The following ATE1 variants were observed in gnomAD, a reference collection of about 807,000 sequenced individuals.
ATE1 encodes the protein arginyl-tRNA--protein transferase 1.
Under a neutral mutation model 70.5 loss-of-function variants are expected in ATE1, and 36 were observed. The ratio of observed to expected loss-of-function variants is 0.51; its 90% CI spans 0.39 to 0.67. The LOEUF (loss-of-function observed/expected upper bound fraction) is 0.67, where lower values mean the gene tolerates loss of function less well. Ranked by LOEUF, ATE1 falls within the 30% of genes least tolerant of loss-of-function variation. The pLI is 0.00. For synonymous variants in ATE1, 232 were observed against 219.3 expected (o/e 1.06, Z -0.51); for missense variants, 593 against 629.5 (o/e 0.94, Z 0.62).
intron 10 of ATE1, among the ~76,000 whole-genome samples, chr10:121,824,052 C>T (rs763700043): frequency 6.6e-6 from 1 of 152,056 alleles, no homozygotes; most frequent in Non-Finnish European, 1.5e-5. Context: ...GCAAAATTCC[C>T]CACATGTGAC....
intron 8 of ATE1, among the ~76,000 whole-genome samples, chr10:121,856,256 G>A (rs763644759): frequency 3.3e-5 from 5 of 151,996 alleles, no homozygotes; most frequent in Admixed American, 1.3e-4. Flanking sequence ...CTGGCCGGGC[G>A]CAGTGGCTTA....
chr10:121,754,931 T>C (rs1944732516), intron 11 of ATE1, among the ~76,000 whole-genome samples: 1 of 152,242 alleles, frequency 6.6e-6, no homozygotes, highest in Non-Finnish European at 1.5e-5. Flanking sequence ...CAAAGCTATG[T>C]GACCTGAATC....
intron 11 of ATE1, among the ~76,000 whole-genome samples, chr10:121,750,188 T>C (rs967242447): frequency 1.3e-5 from 2 of 152,206 alleles, no homozygotes; most frequent in Non-Finnish European, 2.9e-5. Context: ...GTCATCAGTG[T>C]AGACAAAAAT....
intron 2 of ATE1, among the ~76,000 whole-genome samples, chr10:121,923,935 GATAA>G (rs1252973710): frequency 6.6e-6 from 1 of 152,156 alleles, no homozygotes; most frequent in Non-Finnish European, 1.5e-5. Flanking sequence ...CTATTGATAG[GATAA>G]ATGTCATAAT....
intron 3 of ATE1, among the ~76,000 whole-genome samples, chr10:121,920,763 G>A (rs577511127): frequency 6.6e-6 from 1 of 152,270 alleles, no homozygotes; most frequent in East Asian, 1.9e-4. Context: ...GGGAGGCTGA[G>A]GCAGGTGGAT....
At chr10:121,818,275 A>AG (rs1947643490) in intron 10 of ATE1, among the ~76,000 whole-genome samples, 1 of 151,474 alleles carries the variant, frequency 6.6e-6, no homozygotes, top group African/African-American at 2.4e-5. Flanking sequence ...AAAAAAAAAA[A>AG]AAAAAAGATG....
At chr10:121,803,700 A>G (rs1590343515) in intron 10 of ATE1, among the ~76,000 whole-genome samples, 2 of 152,312 alleles carry the variant, frequency 1.3e-5, no homozygotes, top group African/African-American at 4.8e-5. Context: ...CTAACTAATC[A>G]TATCTCTATC....
intron 11 of ATE1, among the ~76,000 whole-genome samples, chr10:121,772,568 T>C (rs1354860008): frequency 6.6e-6 from 1 of 152,132 alleles, no homozygotes; most frequent in Non-Finnish European, 1.5e-5. Context: ...GTCTCACGCC[T>C]CACAGCCTGA....
chr10:121,791,540 C>T (rs1362148647), intron 10 of ATE1, among the ~76,000 whole-genome samples: 1 of 152,090 alleles, frequency 6.6e-6, no homozygotes, highest in African/African-American at 2.4e-5. Flanking sequence ...ATTTTCATAA[C>T]TATCAAGGTT....
At chr10:121,836,664 TGA>T in intron 10 of ATE1, 52 bp downstream of exon 10, 3 of 1,192,240 alleles carry the variant, frequency 2.5e-6, no homozygotes, top group Non-Finnish European at 2.4e-6. Context: ...AAAAATTTTA[TGA>T]GAGATTCATT....
At chr10:121,783,575 G>T (rs945773519) in intron 11 of ATE1, among the ~76,000 whole-genome samples, 5 of 151,610 alleles carry the variant, frequency 3.3e-5, no homozygotes, top group Non-Finnish European at 5.9e-5. Context: ...ACTGAAAATT[G>T]ATGATATCTT....
intron 10 of ATE1, among the ~76,000 whole-genome samples, chr10:121,828,187 C>T (rs4752605): frequency 6.6e-6 from 1 of 152,196 alleles, no homozygotes; most frequent in Non-Finnish European, 1.5e-5. Context: ...AAAACTCTTA[C>T]ATTACACCAT....
intron 3 of ATE1, among the ~76,000 whole-genome samples, chr10:121,919,911 T>A (rs1951813147): frequency 6.6e-6 from 1 of 151,834 alleles, no homozygotes; most frequent in African/African-American, 2.4e-5. Flanking sequence ...GGGGAGGATA[T>A]GCAAAATGTT....
chr10:121,790,114 A>G, intron 11 of ATE1, 55 bp downstream of exon 11: 2 of 1,609,000 alleles, frequency 1.2e-6, no homozygotes, highest in Non-Finnish European at 1.7e-6. Context: ...CCACACACAC[A>G]TGGATCATAA....
At chr10:121,754,150 G>GT (rs1944701581) in intron 11 of ATE1, among the ~76,000 whole-genome samples, 1 of 152,142 alleles carries the variant, frequency 6.6e-6, no homozygotes, top group African/African-American at 2.4e-5. Context: ...AGATATAAAC[G>GT]TATGTGTATA....
In ATE1 at chr10:121,742,358, A is replaced by G. The variant is rs947670929; in HGVS notation, c.*1322T>C. 7.2e-5 allele frequency: 11 copies of G among 152,336 alleles called. No individual in the cohort carries two copies. Among genetic ancestry groups the G allele is most frequent in the Non-Finnish European group, 1.0e-4 (7 of 68,020 alleles). 9.4% of individuals were successfully genotyped at this position (152,336 alleles called of 1,614,324 possible). A position where few individuals can be genotyped will look rare whatever the true frequency, so the allele number is the denominator to read the frequency against. ...AACAGGATTCAAACTACCATGTTTT[A>G]TAACATGGCTTTTAAGAAACGATGA... On this transcript the variant is annotated 3_prime_UTR_variant, in exon 12 of 12. Coordinates refer to ENST00000224652, the MANE Select transcript of ATE1 (RefSeq NM_001001976.3).
At chr10:121,858,636 T>A (rs542810878) in intron 8 of ATE1, among the ~76,000 whole-genome samples, 145 of 146,078 alleles carry the variant, frequency 9.9e-4, no homozygotes, top group African/African-American at 3.4e-3. Flanking sequence ...TATATATATA[T>A]AATATATATA....
At chr10:121,831,770 T>TA (rs35198828) in intron 10 of ATE1, among the ~76,000 whole-genome samples, 1 of 152,128 alleles carries the variant, frequency 6.6e-6, no homozygotes, top group Non-Finnish European at 1.5e-5. Context: ...TTACTTTATT[T>TA]AAAAAAAGAC....
chr10:121,924,153 T>TAATAAA lies in ATE1; in HGVS notation c.170+107_170+112dup, dbSNP rs1469445545. The TAATAAA allele has an allele frequency of 4.4e-6, 4 of 900,236 alleles. No homozygotes were observed. The Admixed American group carries it at 9.3e-5, about 21-fold the overall frequency. 55.8% of individuals were successfully genotyped at this position (900,236 alleles called of 1,614,324 possible). ...CAAAAAATCACTACATAAAAGAATA[T>TAATAAA]AATAAAAATTTTTCTTAAACCTCTT... On this transcript the variant is annotated intron_variant, in intron 2 of 11. Coordinates refer to ENST00000224652, the MANE Select transcript of ATE1 (RefSeq NM_001001976.3).
Sources: gnomAD v4.1 joint callset for allele counts (sites outside exome capture counted in the v4.1 genomes callset) on GRCh38, gnomAD v4.1.1 for gene constraint, MANE v1.5 for transcripts, NCBI Gene and HGNC (gene_info 2026-07-23, HGNC 2026-07-21) for gene names.